The following TTC7A variants were observed in gnomAD, a reference collection of about 807,000 sequenced individuals.
TTC7A encodes the protein tetratricopeptide repeat protein 7A.
In TTC7A, 110 loss-of-function variants were observed where a neutral mutation model predicts 103.7. The ratio of observed to expected loss-of-function variants is 1.06; its 90% CI spans 0.91 to 1.24. TTC7A has a LOEUF of 1.24. Ranked by LOEUF, TTC7A falls within the 50% of genes most tolerant of loss-of-function variation. TTC7A has a pLI of 0.00. For synonymous variants in TTC7A, 521 were observed against 467.9 expected (o/e 1.11, Z -1.47); for missense variants, 1,340 against 1,116.3 (o/e 1.20, Z -2.86).
At chr2:47,022,687 G>T (rs1291040633) in intron 12 of TTC7A, among the ~76,000 whole-genome samples, 1 of 152,244 alleles carries the variant, frequency 6.6e-6, no homozygotes, top group East Asian at 1.9e-4. Context: ...CGGCAGTCAC[G>T]GTGACATCGG....
At chr2:46,924,129 A>G (rs972347705) in intron 2 of TTC7A, among the ~76,000 whole-genome samples, 1 of 151,672 alleles carries the variant, frequency 6.6e-6, no homozygotes, top group African/African-American at 2.4e-5. Context: ...GCCTGGGCCC[A>G]GGAAGTCAAG....
At position 46,941,262 on chromosome 2, in the gene TTC7A, A is replaced by G. The variant is rs1670334552; in HGVS notation, c.-280A>G. 6.5e-6 allele frequency: 1 copy of G among 153,586 alleles called. No homozygotes were observed. The highest frequency in any genetic ancestry group is 1.4e-5 in the Non-Finnish European group (1 of 70,488). The allele number at this position is 153,586 out of a possible 1,614,324, so 9.5% of individuals were successfully genotyped here. A position where few individuals can be genotyped will look rare whatever the true frequency, so the allele number is the denominator to read the frequency against. On this transcript the variant is annotated 5_prime_UTR_variant, in exon 1 of 20. Transcript: ENST00000319190. This position sits in a 1 kb window ranked among gnomAD's most constrained non-coding sequence, Gnocchi z 4.2. Reference sequence around the variant, plus strand: ...CAGCGGCGGCGGCGGCGGCAGCGCCAGGAGCTGCTACAGCAGAGGCGGAGG... The same window carrying G: ...CAGCGGCGGCGGCGGCGGCAGCGCCGGGAGCTGCTACAGCAGAGGCGGAGG...
intron 2 of TTC7A, among the ~76,000 whole-genome samples, chr2:46,952,642 C>A (rs555409232): frequency 2.0e-5 from 3 of 152,250 alleles, no homozygotes; most frequent in East Asian, 3.9e-4. Flanking sequence ...GTCCCAGCTA[C>A]CCAAGAAGCT....
At chr2:46,967,436 A>C (rs936297206) in intron 3 of TTC7A, among the ~76,000 whole-genome samples, 1 of 152,144 alleles carries the variant, frequency 6.6e-6, no homozygotes, top group Non-Finnish European at 1.5e-5. Context: ...AACCCCTGGC[A>C]ACCACTCTTC....
intron 1 of TTC7A, among the ~76,000 whole-genome samples, 196 bp from the exon 2 acceptor site, chr2:46,950,166 TA>T (rs1671281015): frequency 6.6e-6 from 1 of 152,198 alleles, no homozygotes; most frequent in African/African-American, 2.4e-5. Flanking sequence ...GGGCAATTTG[TA>T]TTGTGACCAT....
In TTC7A at chr2:47,073,927, C is replaced by G. The variant is rs201174517; in HGVS notation, c.*4C>G. On this transcript the variant is annotated 3_prime_UTR_variant, in exon 20 of 20. Coordinates refer to ENST00000319190, the MANE Select transcript of TTC7A (RefSeq NM_020458.4). Reference sequence around the variant, plus strand: ...CATCATCCCCAGAGAGCTCTGACGACGCTGCAGCCGCAGGGAGGGAGGGGC... The same window carrying G: ...CATCATCCCCAGAGAGCTCTGACGAGGCTGCAGCCGCAGGGAGGGAGGGGC... The G allele has an allele frequency of 1.5e-5, 24 of 1,606,330 alleles. No individual in the cohort carries two copies. The African/African-American group carries it at 2.8e-4, about 19-fold the overall frequency.
At chr2:47,006,272 A>T (rs11884772) in intron 9 of TTC7A, among the ~76,000 whole-genome samples, 1,888 of 152,328 alleles carry the variant, frequency 0.012, 48 homozygotes, top group African/African-American at 0.043. Context: ...GGGAGAGTGC[A>T]TGTGAAAGGC....
chr2:46,969,711 C>T (rs1169359834), intron 3 of TTC7A, among the ~76,000 whole-genome samples: 3 of 152,068 alleles, frequency 2.0e-5, no homozygotes, highest in African/African-American at 7.2e-5. Flanking sequence ...GTGCCTGGCC[C>T]AGGAAATATT....
intron 18 of TTC7A, among the ~76,000 whole-genome samples, chr2:47,053,651 A>C (rs1683084599): frequency 6.6e-6 from 1 of 152,032 alleles, no homozygotes; most frequent in Non-Finnish European, 1.5e-5. Flanking sequence ...AGCTCACTGC[A>C]ACCTCCACCT....
chr2:46,987,826 GTGTGTGTGTGTGTGTGTT>G (rs1435481877), intron 5 of TTC7A, among the ~76,000 whole-genome samples: 4 of 151,302 alleles, frequency 2.6e-5, no homozygotes. Flanking sequence ...GTGTGTGTGT[GTGTGTGTGTGTGTGTGTT>G]TGTGTGTGTC....
intron 5 of TTC7A, among the ~76,000 whole-genome samples, chr2:46,982,461 A>G (rs1190407463): frequency 6.6e-6 from 1 of 152,062 alleles, no homozygotes; most frequent in African/African-American, 2.4e-5. Flanking sequence ...CAGACAGGAG[A>G]GTGAGAACCA....
At chr2:46,919,527 C>G (rs983000835) in intron 2 of TTC7A, among the ~76,000 whole-genome samples, 1 of 152,246 alleles carries the variant, frequency 6.6e-6, no homozygotes, top group African/African-American at 2.4e-5. Flanking sequence ...GAGCTAAACT[C>G]TGTCTCTAAA....
In TTC7A at chr2:47,029,403, C is replaced by G; in HGVS notation, c.1802+19C>G. On this transcript the variant is annotated intron_variant, in intron 15 of 19. Coordinates refer to ENST00000319190, the MANE Select transcript of TTC7A (RefSeq NM_020458.4). The stretch of plus-strand genomic sequence containing the variant: ...ACTTCAAGTGAGTGCCCTGGGAACA[C>G]TCTGGCAGTGGGGGAGCTGGCTGGC... 1.2e-6 allele frequency: 2 copies of G among 1,612,390 alleles called. No individual in the cohort carries two copies. Among genetic ancestry groups the G allele is most frequent in the South Asian group, 1.1e-5 (1 of 91,058 alleles).
At chr2:46,963,180 C>T (rs986367870) in intron 3 of TTC7A, among the ~76,000 whole-genome samples, 1 of 152,220 alleles carries the variant, frequency 6.6e-6, no homozygotes, top group African/African-American at 2.4e-5. Context: ...AGAATCTGGT[C>T]CCCCTGTCTC....
At chr2:47,070,790 T>C (rs1684615350) in intron 19 of TTC7A, among the ~76,000 whole-genome samples, 1 of 152,154 alleles carries the variant, frequency 6.6e-6, no homozygotes, top group African/African-American at 2.4e-5. Flanking sequence ...TGTCTGTGGC[T>C]ATAACCAGCC....
chr2:47,064,216 C>T (rs991521246), intron 19 of TTC7A, among the ~76,000 whole-genome samples: 1 of 152,252 alleles, frequency 6.6e-6, no homozygotes, highest in African/African-American at 2.4e-5. Flanking sequence ...TGGCTGCCGT[C>T]TGTGCCAGGC....
chr2:47,037,500 A>G (rs1199489393), intron 15 of TTC7A, among the ~76,000 whole-genome samples: 1 of 152,216 alleles, frequency 6.6e-6, no homozygotes, highest in Non-Finnish European at 1.5e-5. Flanking sequence ...TGTTTTGAAG[A>G]TGAAGAAACT....
At chr2:46,929,163 C>CA (rs1669561983) in intron 2 of TTC7A, among the ~76,000 whole-genome samples, 1 of 150,810 alleles carries the variant, frequency 6.6e-6, no homozygotes, top group Non-Finnish European at 1.5e-5. Flanking sequence ...GACTCTGTCC[C>CA]AAAAAAAGAA....
chr2:47,068,191 A>T (rs991668205), intron 19 of TTC7A: 1 of 152,112 alleles, frequency 6.6e-6, no homozygotes, highest in Non-Finnish European at 1.5e-5. Context: ...TGAAGGAGGA[A>T]GGATGTGCCG....
Sources: gnomAD v4.1 joint callset for allele counts (sites outside exome capture counted in the v4.1 genomes callset) on GRCh38, gnomAD v4.1.1 for gene constraint, Gnocchi (gnomAD v3.1) non-coding constraint, MANE v1.5 for transcripts, NCBI Gene and HGNC (gene_info 2026-07-23, HGNC 2026-07-21) for gene names.